RGPD4: variants seen among roughly 807,000 people sequenced by gnomAD.
RGPD4 encodes the protein RANBP2 like and GRIP domain containing 4.
Under a neutral mutation model 141.1 loss-of-function variants are expected in RGPD4, and 84 were observed. The observed-to-expected ratio is 0.60, with a 90% CI of 0.50 to 0.71. The LOEUF (loss-of-function observed/expected upper bound fraction) is 0.71, where lower values mean the gene tolerates loss of function less well. RGPD4 is among the 30% of genes least tolerant of loss of function. RGPD4 has a pLI of 0.00. For missense variants in RGPD4, 918 were observed against 1,622.4 expected (o/e 0.57, Z 7.46); for synonymous variants, 298 against 566.8 (o/e 0.53, Z 6.74).
intron 8 of RGPD4, among the ~76,000 whole-genome samples, chr2:107,855,944 C>A (rs1196801495): frequency 1.3e-5 from 1 of 76,620 alleles, no homozygotes; most frequent in Non-Finnish European, 2.3e-5. Flanking sequence ...TTTCAAGGTT[C>A]ATCTGTGTTA....
Position 107,891,917 on chromosome 2 carries a change from T to G in RGPD4, c.*1186T>G, listed in dbSNP as rs1675667577. 8.9e-6 allele frequency among the ~76,000 whole-genome samples: 1 copy of G among 112,990 alleles called. No individual in the cohort carries two copies. The highest frequency in any genetic ancestry group is 1.9e-5 in the Non-Finnish European group (1 of 51,658). 74.1% of individuals were successfully genotyped at this position (112,990 alleles called of 152,430 possible). On this transcript the variant is annotated 3_prime_UTR_variant, in exon 23 of 23. Transcript: ENST00000408999. ...CTTAGGTGGTAGTGTTACTTGCCTTTGACACCTCTGCATATGTTTTAATGA... is the reference window on the plus strand; with the variant it reads ...CTTAGGTGGTAGTGTTACTTGCCTTGGACACCTCTGCATATGTTTTAATGA...
intron 11 of RGPD4, 77 bp from the exon 12 acceptor site, chr2:107,859,645 A>G: frequency 2.5e-6 from 4 of 1,611,310 alleles, no homozygotes; most frequent in Non-Finnish European, 3.4e-6. Context: ...TTGTCATGTG[A>G]CCCATTAACA....
Position 107,870,878 on chromosome 2 carries a change from C to G in RGPD4, c.2874C>G (p.Gly958=), listed in dbSNP as rs1553448466. ...QAQDISGQKN[G]RGVIFGQTSS... The stretch of plus-strand genomic sequence containing the variant: ...AGGATATTAGTGGCCAGAAGAATGG[C>G]CGTGGTGTGATTTTTGGCCAAACAA... The change falls in exon 20 of 23, where the codon GGC becomes GGG. Residue 958 remains glycine (G), a synonymous_variant. Transcript: ENST00000408999. 5 of 1,609,924 alleles carry G rather than the reference C, an allele frequency of 3.1e-6. No individual in the cohort carries two copies. Among genetic ancestry groups the G allele is most frequent in the Middle Eastern group, 4.5e-4 (2 of 4,450 alleles).
intron 7 of RGPD4, 150 bp from the exon 8 acceptor site, chr2:107,854,405 TC>T: frequency 1.5e-6 from 1 of 679,260 alleles, no homozygotes; most frequent in South Asian, 2.0e-5. Flanking sequence ...ATTCCTTGGT[TC>T]CCAGTTTTTG....
In RGPD4 at chr2:107,882,832, T is replaced by G. The variant is rs894269329; in HGVS notation, c.5225T>G (p.Leu1742Arg). Residue 1742 changes from leucine to arginine, a missense_variant, in exon 22 of 23, where the codon CTC becomes CGC. Leu to Arg is a moderately radical substitution (Grantham distance 102). Coordinates refer to ENST00000408999, the MANE Select transcript of RGPD4 (RefSeq NM_182588.3). Reference sequence around the variant, plus strand: ...CCTGTTATAAATACGATGTTGCAGCTCAGCCCTGAAGAAAAGGGAAAACTT... The same window carrying G: ...CCTGTTATAAATACGATGTTGCAGCGCAGCCCTGAAGAAAAGGGAAAACTT... ...LLPVINTMLQLSPEEKGKLAA... is the reference protein window; with the variant it reads ...LLPVINTMLQRSPEEKGKLAA... 6.2e-7 allele frequency: 1 copy of G among 1,610,622 alleles called. No homozygotes were observed. Among genetic ancestry groups the G allele is most frequent in the African/African-American group, 1.3e-5 (1 of 74,146 alleles).
intron 20 of RGPD4, among the ~76,000 whole-genome samples, chr2:107,875,712 A>T (rs1683070687): frequency 8.3e-6 from 1 of 120,382 alleles, no homozygotes. Context: ...ATAGAGTAAC[A>T]GTTTTTATTT....
intron 22 of RGPD4, among the ~76,000 whole-genome samples, chr2:107,884,026 T>C (rs1675440553): frequency 6.6e-6 from 1 of 151,992 alleles, no homozygotes; most frequent in Non-Finnish European, 1.5e-5. Context: ...ATTTTGCCTG[T>C]GTTATTGTGA....
intron 22 of RGPD4, among the ~76,000 whole-genome samples, chr2:107,883,973 A>G (rs944459634): frequency 2.0e-5 from 3 of 152,092 alleles, no homozygotes; most frequent in African/African-American, 2.4e-5. Flanking sequence ...GAATAATTCA[A>G]TGTTTATTGA....
At chr2:107,830,904 A>C (rs1681460684) in intron 1 of RGPD4, among the ~76,000 whole-genome samples, 1 of 151,500 alleles carries the variant, frequency 6.6e-6, no homozygotes, top group Non-Finnish European at 1.5e-5. Flanking sequence ...CCATTTTTCT[A>C]CTCCCTCACA....
At chr2:107,863,773 G>T (rs1447270982) in intron 17 of RGPD4, among the ~76,000 whole-genome samples, 1 of 152,072 alleles carries the variant, frequency 6.6e-6, no homozygotes, top group East Asian at 1.9e-4. Context: ...GATTACAGGT[G>T]TAAACCACCG....
intron 8 of RGPD4, among the ~76,000 whole-genome samples, chr2:107,855,579 G>T (rs1156654053): frequency 6.6e-6 from 1 of 150,820 alleles, no homozygotes; most frequent in African/African-American, 2.4e-5. Context: ...CAACTGTGTA[G>T]TGGTAACCAA....
chr2:107,831,192 G>T (rs1388172197), intron 1 of RGPD4, among the ~76,000 whole-genome samples: 2 of 134,084 alleles, frequency 1.5e-5, no homozygotes, highest in Admixed American at 7.5e-5. Flanking sequence ...AAGAAAAAAA[G>T]AAAAAAAATA....
At position 107,871,696 on chromosome 2, in the gene RGPD4, C is replaced by T. The variant is rs1463919722; in HGVS notation, c.3692C>T (p.Ala1231Val). 2 of 1,609,908 alleles carry T rather than the reference C, an allele frequency of 1.2e-6. No individual in the cohort carries two copies. Among genetic ancestry groups the T allele is most frequent in the Admixed American group, 1.7e-5 (1 of 59,802 alleles). ...GGTTCAGGTACAGGTGCGGCCGGTG[C>T]CTCAGACACAACAATAAAACCCAAT... is the stretch of plus-strand genomic sequence containing the variant. ...NKGSGTGAAG[A>V]SDTTIKPNPE... is the part of the protein sequence containing the mutation. The change falls in exon 20 of 23, where the codon GCC becomes GTC. Residue 1231 changes from alanine to valine, a missense_variant. By Grantham distance (64) the Ala-to-Val change is moderately conservative. Transcript: ENST00000408999.
At chr2:107,828,257 G>A (rs1681307748) in intron 1 of RGPD4, among the ~76,000 whole-genome samples, 1 of 43,256 alleles carries the variant, frequency 2.3e-5, no homozygotes, top group African/African-American at 1.1e-4. Context: ...CGGCCTCGAT[G>A]GCTCAGGCAT....
At chr2:107,875,742 C>A (rs1683071906) in intron 20 of RGPD4, among the ~76,000 whole-genome samples, 1 of 107,086 alleles carries the variant, frequency 9.3e-6, no homozygotes, top group Non-Finnish European at 1.9e-5. Flanking sequence ...TAGTATCATG[C>A]TTGAACACAG....
Position 107,831,338 on chromosome 2 carries a change from A to AT in RGPD4, c.72+4261dup, listed in dbSNP as rs988887437. Among the ~76,000 whole-genome samples the AT allele has an allele frequency of 1.7e-3, 214 of 128,086 alleles. 1 individual carries two copies. The highest frequency in any genetic ancestry group is 5.5e-3 in the African/African-American group (203 of 36,950). 84.0% of individuals were successfully genotyped at this position (128,086 alleles called of 152,430 possible). ...CTTGACAGCTCTTATTTTTATTTAT[A>AT]TTTTTTTTAGAATAGGGTCTTGCTA... On this transcript the variant is annotated intron_variant, in intron 1 of 22. Coordinates refer to ENST00000408999, the MANE Select transcript of RGPD4 (RefSeq NM_182588.3).
At chr2:107,827,774 C>T (rs1266099031) in intron 1 of RGPD4, among the ~76,000 whole-genome samples, 4 of 34,146 alleles carry the variant, frequency 1.2e-4, no homozygotes, top group African/African-American at 6.1e-4. Context: ...CTCCCTGGCG[C>T]GCTCTGTTGA....
At chr2:107,883,125 T>C in intron 22 of RGPD4, 1 of 647,702 alleles carries the variant, frequency 1.5e-6, no homozygotes, top group Non-Finnish European at 2.8e-6. Context: ...TCTTTGAAAA[T>C]TGGATTTTTA....
intron 17 of RGPD4, among the ~76,000 whole-genome samples, chr2:107,865,324 C>T (rs1481675004): frequency 6.6e-6 from 1 of 152,140 alleles, no homozygotes; most frequent in Non-Finnish European, 1.5e-5. Context: ...TACTTTTTTC[C>T]CTTTCCTGGT....
Sources: gnomAD v4.1 joint callset for allele counts (sites outside exome capture counted in the v4.1 genomes callset) on GRCh38, gnomAD v4.1.1 for gene constraint, MANE v1.5 for transcripts, NCBI Gene and HGNC (gene_info 2026-07-23, HGNC 2026-07-21) for gene names.